CHD5: variants seen among roughly 807,000 people sequenced by gnomAD.
CHD5 encodes ATP-dependent chromatin remodeler CHD5.
Under a neutral mutation model 230.3 loss-of-function variants are expected in CHD5, and 69 were observed. The ratio of observed to expected loss-of-function variants is 0.30; its 90% CI spans 0.25 to 0.37. The LOEUF (loss-of-function observed/expected upper bound fraction) is 0.37. Ranked by LOEUF, CHD5 falls within the 10% of genes least tolerant of loss-of-function variation. The probability of loss-of-function intolerance (pLI) is 1.00; values close to 1 mark genes in which losing one functional copy is unlikely to be tolerated. For missense variants in CHD5, 1,827 were observed against 2,622.8 expected (o/e 0.70, Z 6.63); for synonymous variants, 1,064 against 1,065.9 (o/e 1.00, Z 0.03).
In CHD5 at chr1:6,131,149, C is replaced by T. The variant is rs1207652159; in HGVS notation, c.3262+482G>A. 2.0e-5 allele frequency among the ~76,000 whole-genome samples: 3 copies of T among 152,214 alleles called. No homozygotes were observed. The highest frequency in any genetic ancestry group is 4.8e-5 in the African/African-American group (2 of 41,456). On this transcript the variant is annotated intron_variant, in intron 21 of 41. Transcript: ENST00000262450. The surrounding 1 kb of genome is among the most constrained non-coding windows in gnomAD (Gnocchi z 5.0). Reference sequence around the variant, plus strand: ...TCTTTTGCTACAGGAGGAACTCCACCGGCAAGACCCTCCTGACCTCCACCC... The same window carrying T: ...TCTTTTGCTACAGGAGGAACTCCACTGGCAAGACCCTCCTGACCTCCACCC...
intron 11 of CHD5, among the ~76,000 whole-genome samples, chr1:6,145,860 C>T (rs563891633): frequency 2.0e-5 from 3 of 152,342 alleles, no homozygotes; most frequent in Admixed American, 6.5e-5. Flanking sequence ...CTGTTACAAA[C>T]GCGGGGGAAA....
intron 15 of CHD5, among the ~76,000 whole-genome samples, chr1:6,138,534 C>G (rs1010185587): frequency 2.0e-5 from 3 of 152,248 alleles, no homozygotes; most frequent in African/African-American, 7.2e-5. Flanking sequence ...AAGCCTGCCT[C>G]TCCCAGCAGC....
chr1:6,134,913 C>T lies in CHD5; in HGVS notation c.2871-54G>A. 1 of 1,606,530 alleles carries T rather than the reference C, an allele frequency of 6.2e-7. No homozygotes were observed. Among genetic ancestry groups the T allele is most frequent in the South Asian group, 1.1e-5 (1 of 90,602 alleles). On this transcript the variant is annotated intron_variant, in intron 18 of 41. Coordinates refer to ENST00000262450, the MANE Select transcript of CHD5 (RefSeq NM_015557.3). This position sits in a 1 kb window ranked among gnomAD's most constrained non-coding sequence, Gnocchi z 6.3. ...TGGGTCAGACCCGCCTCCATGAGGG[C>T]TCTCTCTGCTCTGCAGTGGGGCTGG...
rs972148860 is a variant in CHD5 at position 6,126,498 on chromosome 1, G to A, written c.4078+74C>T. ...GCACCTCCCGGGGGTTCTGCACAGGGATGCCCTGACAGAATCCTGCCCCAC... is the reference window on the plus strand; with the variant it reads ...GCACCTCCCGGGGGTTCTGCACAGGAATGCCCTGACAGAATCCTGCCCCAC... On this transcript the variant is annotated intron_variant, in intron 26 of 41. Transcript: ENST00000262450. This position sits in a 1 kb window ranked among gnomAD's most constrained non-coding sequence, Gnocchi z 5.7. 55 of 1,119,974 alleles carry A rather than the reference G, an allele frequency of 4.9e-5. No individual in the cohort carries two copies. The African/African-American group carries it at 8.0e-4, about 16-fold the overall frequency. The allele number at this position is 1,119,974 out of a possible 1,614,324, so 69.4% of individuals were successfully genotyped here. A position where few individuals can be genotyped will look rare whatever the true frequency, so the allele number is the denominator to read the frequency against.
intron 1 of CHD5, among the ~76,000 whole-genome samples, chr1:6,170,963 G>A (rs766844845): frequency 6.6e-6 from 1 of 152,176 alleles, no homozygotes; most frequent in Non-Finnish European, 1.5e-5. Flanking sequence ...CGCCTGGGCA[G>A]AGCCACCCCC....
chr1:6,157,498 T>C (rs1228557380), intron 3 of CHD5, among the ~76,000 whole-genome samples: 1 of 152,208 alleles, frequency 6.6e-6, no homozygotes, highest in Non-Finnish European at 1.5e-5. Context: ...CTCAGGGCCC[T>C]GATCCCACAC....
intron 5 of CHD5, among the ~76,000 whole-genome samples, chr1:6,152,971 A>G (rs1667029127): frequency 6.6e-6 from 1 of 152,208 alleles, no homozygotes; most frequent in Admixed American, 6.5e-5. Flanking sequence ...CAGCCAGGCA[A>G]TGCTGGTCCC....
At chr1:6,123,878 C>T (rs1666510728) in intron 31 of CHD5, 70 bp downstream of exon 31, 9 of 1,171,744 alleles carry the variant, frequency 7.7e-6, no homozygotes, top group African/African-American at 1.6e-5. Flanking sequence ...GTGGGTTAGA[C>T]TAGGGGTTTC....
chr1:6,147,054 C>T (rs1666923292), intron 9 of CHD5, among the ~76,000 whole-genome samples, 183 bp from the exon 10 acceptor site: 1 of 152,210 alleles, frequency 6.6e-6, no homozygotes, highest in African/African-American at 2.4e-5. Flanking sequence ...GTCATGCACA[C>T]AGGAGATGGG....
At chr1:6,168,315 C>T in intron 1 of CHD5, 38 bp from the exon 2 acceptor site, 3 of 1,572,640 alleles carry the variant, frequency 1.9e-6, no homozygotes, top group Non-Finnish European at 1.7e-6. Context: ...TACTCCTGAG[C>T]TTCCTCCAGG....
chr1:6,114,873 G>A (rs889881240), intron 33 of CHD5, among the ~76,000 whole-genome samples: 2 of 152,066 alleles, frequency 1.3e-5, no homozygotes, highest in African/African-American at 4.8e-5. Context: ...AATTAGGCAG[G>A]TGTGGTGGCA....
chr1:6,175,612 G>A (rs1477994786), intron 1 of CHD5, among the ~76,000 whole-genome samples: 1 of 151,878 alleles, frequency 6.6e-6, no homozygotes, highest in Non-Finnish European at 1.5e-5. Context: ...TTGGAGGATG[G>A]ATGAATGAAT....
At chr1:6,173,507 G>A (rs545934263) in intron 1 of CHD5, among the ~76,000 whole-genome samples, 1 of 152,174 alleles carries the variant, frequency 6.6e-6, no homozygotes, top group South Asian at 2.1e-4. Context: ...GGCAGCAGAG[G>A]CTTCAAGCTA....
intron 36 of CHD5, among the ~76,000 whole-genome samples, chr1:6,111,388 G>C (rs1176397619): frequency 6.6e-6 from 1 of 151,774 alleles, no homozygotes; most frequent in African/African-American, 2.4e-5. Context: ...ACAAAAATTA[G>C]CCAGGTGTGG....
In CHD5 at chr1:6,105,443, C is replaced by G. The variant is rs761472969; in HGVS notation, c.*47-16G>C. On this transcript the variant is annotated splice_polypyrimidine_tract_variant and intron_variant, in intron 41 of 41. Coordinates refer to ENST00000262450, the MANE Select transcript of CHD5 (RefSeq NM_015557.3). This position sits in a 1 kb window ranked among gnomAD's most constrained non-coding sequence, Gnocchi z 4.8. ...GCAGGCGTGGCTGCAAAACGCAAATCAGTGGGTTAAGCAGGTGGGCAGTTA... is the reference window on the plus strand; with the variant it reads ...GCAGGCGTGGCTGCAAAACGCAAATGAGTGGGTTAAGCAGGTGGGCAGTTA... 17 of 470,238 alleles carry G rather than the reference C, an allele frequency of 3.6e-5. No individual in the cohort carries two copies. The Middle Eastern group carries it at 2.3e-3, about 63-fold the overall frequency. The allele number at this position is 470,238 out of a possible 1,614,324, so 29.1% of individuals were successfully genotyped here.
intron 2 of CHD5, among the ~76,000 whole-genome samples, chr1:6,162,138 T>A (rs1374239499): frequency 6.6e-6 from 1 of 151,840 alleles, no homozygotes; most frequent in African/African-American, 2.4e-5. Context: ...TCCCAGCACT[T>A]TGGGAGGCCG....
In CHD5 at chr1:6,155,456, TCCA is replaced by T. The variant is rs1438198783; in HGVS notation, c.506+140_506+142del. 4 of 669,162 alleles carry T rather than the reference TCCA, an allele frequency of 6.0e-6. No individual in the cohort carries two copies. Among genetic ancestry groups the T allele is most frequent in the Admixed American group, 4.8e-5 (2 of 41,340 alleles). 41.5% of individuals were successfully genotyped at this position (669,162 alleles called of 1,614,324 possible). On this transcript the variant is annotated intron_variant, in intron 4 of 41. Coordinates refer to ENST00000262450, the MANE Select transcript of CHD5 (RefSeq NM_015557.3). This position sits in a 1 kb window ranked among gnomAD's most constrained non-coding sequence, Gnocchi z 4.0. ...ACATGAAGGGGTCCTGCCCCCTCCC[TCCA>T]GCTCCCCCAGGTTGCTCAGTCGGTC... is the stretch of plus-strand genomic sequence containing the variant.
At chr1:6,117,671 T>C (rs1304246952) in intron 33 of CHD5, among the ~76,000 whole-genome samples, 1 of 152,176 alleles carries the variant, frequency 6.6e-6, no homozygotes, top group Non-Finnish European at 1.5e-5. Context: ...AAATAAGCCA[T>C]AATCACATGA....
chr1:6,162,219 T>C (rs1667189797), intron 2 of CHD5, among the ~76,000 whole-genome samples: 1 of 151,536 alleles, frequency 6.6e-6, no homozygotes, highest in South Asian at 2.1e-4. Context: ...CTTTCTCTAC[T>C]GAAAAAAAAA....
Sources: allele counts gnomAD v4.1 joint callset (sites outside exome capture counted in the v4.1 genomes callset), GRCh38; gene constraint gnomAD v4.1.1; non-coding constraint Gnocchi (gnomAD v3.1); transcripts MANE v1.5; gene names NCBI Gene and HGNC (gene_info 2026-07-23, HGNC 2026-07-21).